Variants in STXBP4 observed in about 807,000 individuals in gnomAD.
The protein encoded by STXBP4 is syntaxin binding protein 4.
In STXBP4, 55 loss-of-function variants were observed where a neutral mutation model predicts 76.1. The ratio of observed to expected loss-of-function variants is 0.72; its 90% CI spans 0.58 to 0.91. STXBP4 has a LOEUF of 0.91. STXBP4 is among the 40% of genes least tolerant of loss of function. The probability of loss-of-function intolerance (pLI) is 0.00; values close to 1 mark genes in which losing one functional copy is unlikely to be tolerated. For synonymous variants in STXBP4, 201 were observed against 220.2 expected, an observed-to-expected ratio of 0.91 and a Z score of 0.77; for missense variants, 618 against 636.9, an observed-to-expected ratio of 0.97 and a Z score of 0.32.
At chr17:55,071,543 G>C (rs1298440664) in intron 12 of STXBP4, among the ~76,000 whole-genome samples, 1 of 152,108 alleles carries the variant, frequency 6.6e-6, no homozygotes, top group Non-Finnish European at 1.5e-5. Flanking sequence ...TCTTTTCAAT[G>C]AGACATTTAC....
intron 16 of STXBP4, among the ~76,000 whole-genome samples, chr17:55,135,994 C>T (rs982262021): frequency 3.3e-5 from 5 of 152,154 alleles, no homozygotes; most frequent in African/African-American, 1.2e-4. Flanking sequence ...ATCATGACTG[C>T]ACTATCAGCA....
chr17:55,003,965 A>C lies in STXBP4; in HGVS notation c.574+3082A>C, dbSNP rs539199969. Among the ~76,000 whole-genome samples, 3 of 152,098 alleles carry C rather than the reference A, an allele frequency of 2.0e-5. No homozygotes were observed. In the South Asian group the frequency reaches 6.2e-4, roughly 32 times the overall value. Reference sequence around the variant, plus strand: ...GACGGGCAGATCACTTGAGGTCAGGAGTTCGAGACCAGCCTGGCCAACATA... The same window carrying C: ...GACGGGCAGATCACTTGAGGTCAGGCGTTCGAGACCAGCCTGGCCAACATA... On this transcript the variant is annotated intron_variant, in intron 7 of 17. Transcript: ENST00000376352.
rs1319463194 is a variant in STXBP4 at position 55,132,785 on chromosome 17, T to C, written c.1490-8525T>C. The stretch of plus-strand genomic sequence containing the variant: ...TGGAGAAGAAGGGAGCTGGCTCTTT[T>C]ATGAGTGACTAGGGAAGGGATCACT... On this transcript the variant is annotated intron_variant, in intron 16 of 17. Coordinates refer to ENST00000376352, the MANE Select transcript of STXBP4 (RefSeq NM_178509.6). 7.9e-5 allele frequency among the ~76,000 whole-genome samples: 12 copies of C among 152,134 alleles called. 1 individual carries two copies. The highest frequency in any genetic ancestry group is 7.2e-4 in the Admixed American group (11 of 15,268).
At chr17:55,147,484 A>G (rs2145166717) in intron 17 of STXBP4, among the ~76,000 whole-genome samples, 1 of 152,160 alleles carries the variant, frequency 6.6e-6, no homozygotes, top group South Asian at 2.1e-4. Flanking sequence ...GGGGTTGAGG[A>G]CCCCTGAATT....
the STXBP4 span, among the ~76,000 whole-genome samples, chr17:55,191,402 A>G: frequency 3.1e-4 from 47 of 152,282 alleles, 2 homozygotes; most frequent in African/African-American, 1.1e-3. Context: ...CTTCCTGATG[A>G]AAGATAATCA....
intron 16 of STXBP4, among the ~76,000 whole-genome samples, chr17:55,121,355 G>T (rs2079841783): frequency 6.6e-6 from 1 of 152,108 alleles, no homozygotes; most frequent in African/African-American, 2.4e-5. Context: ...AAGTGAGGTT[G>T]GGGTGAATGG....
chr17:54,998,560 G>A (rs1375009050), intron 4 of STXBP4, among the ~76,000 whole-genome samples: 1 of 152,184 alleles, frequency 6.6e-6, no homozygotes, highest in Non-Finnish European at 1.5e-5. Context: ...GCAACACCAG[G>A]CAGCCAGTTA....
At chr17:55,204,774 A>G in the STXBP4 span, among the ~76,000 whole-genome samples, 16 of 151,640 alleles carry the variant, frequency 1.1e-4, no homozygotes, top group South Asian at 3.3e-3. Context: ...TTGCTCAAGT[A>G]CTGGCTGCAT....
chr17:55,200,416 G>A, the STXBP4 span, among the ~76,000 whole-genome samples: 1 of 152,228 alleles, frequency 6.6e-6, no homozygotes, highest in South Asian at 2.1e-4. Context: ...AACTTTCAAG[G>A]GGAATTAAAT....
At position 55,031,073 on chromosome 17, in the gene STXBP4, A is replaced by G. The variant is rs1056203600; in HGVS notation, c.667-95A>G. 4.6e-6 allele frequency: 4 copies of G among 878,966 alleles called. No homozygotes were observed. In the African/African-American group the frequency reaches 5.1e-5, roughly 11 times the overall value. 54.4% of individuals were successfully genotyped at this position (878,966 alleles called of 1,614,324 possible). A position where few individuals can be genotyped will look rare whatever the true frequency, so the allele number is the denominator to read the frequency against. On this transcript the variant is annotated intron_variant, in intron 8 of 17. Coordinates refer to ENST00000376352, the MANE Select transcript of STXBP4 (RefSeq NM_178509.6). ...TTAATCCTGGTCGACTGTTTCTGGT[A>G]TTGATTATTTTCCCTGGGTTGTAAA...
chr17:55,058,851 T>G (rs2078963840), intron 12 of STXBP4, among the ~76,000 whole-genome samples: 2 of 152,264 alleles, frequency 1.3e-5, no homozygotes, highest in South Asian at 4.1e-4. Flanking sequence ...ATGTTGGACA[T>G]TTACTTCTGG....
At chr17:54,970,003 A>C (rs2077368075) in intron 1 of STXBP4, among the ~76,000 whole-genome samples, 1 of 152,220 alleles carries the variant, frequency 6.6e-6, no homozygotes, top group Non-Finnish European at 1.5e-5. Context: ...TGAAGAGGTG[A>C]CATTTGAGTT....
rs147864825 is a variant in STXBP4 at position 54,999,407 on chromosome 17, A to G, written c.243A>G (p.Val81=). The G allele has an allele frequency of 3.0e-5, 49 of 1,613,192 alleles. No individual in the cohort carries two copies. The highest frequency in any genetic ancestry group is 4.0e-5 in the Non-Finnish European group (47 of 1,179,692). The change falls in exon 5 of 18, where the codon GTA becomes GTG. Residue 81 remains valine (V), a synonymous_variant. Transcript: ENST00000376352. The part of the protein sequence containing the change: ...VSVNKESMIG[V]SFEEAKSIIT... ...TCAACAAGGAATCTATGATTGGTGTATCATTTGAAGAAGCAAAAAGCATAA... is the reference window on the plus strand; with the variant it reads ...TCAACAAGGAATCTATGATTGGTGTGTCATTTGAAGAAGCAAAAAGCATAA...
At position 55,041,206 on chromosome 17, in the gene STXBP4, G is replaced by GGTATC. The variant is rs1328842395; in HGVS notation, c.856-2029_856-2025dup. On this transcript the variant is annotated intron_variant, in intron 10 of 17. Transcript: ENST00000376352. The stretch of plus-strand genomic sequence containing the variant: ...TCTCTTAATAAATTATTTTAGCTCT[G>GGTATC]GTATCTAAAATTTTATTTAAACTTT... 2.7e-4 allele frequency among the ~76,000 whole-genome samples: 41 copies of GGTATC among 149,278 alleles called. 1 individual carries two copies. Among genetic ancestry groups the GGTATC allele is most frequent in the Middle Eastern group, 7.0e-3 (2 of 286 alleles).
chr17:55,171,176 G>C lies in STXBP4; in HGVS notation c.*11265G>C, dbSNP rs985462821. The C allele has an allele frequency of 1.3e-5, 2 of 152,212 alleles. No homozygotes were observed. The highest frequency in any genetic ancestry group is 4.8e-5 in the African/African-American group (2 of 41,454). 9.4% of individuals were successfully genotyped at this position (152,212 alleles called of 1,614,324 possible). ...CTTTGGACTTAGAGCCATGTCTAAA[G>C]TGTCCTTCTTTTGGATATAGTGCCT... is the stretch of plus-strand genomic sequence containing the variant. On this transcript the variant is annotated 3_prime_UTR_variant, in exon 18 of 18. Transcript: ENST00000376352.
chr17:55,015,840 TAATG>T (rs2078198485), intron 8 of STXBP4, among the ~76,000 whole-genome samples: 1 of 152,194 alleles, frequency 6.6e-6, no homozygotes, highest in Non-Finnish European at 1.5e-5. Context: ...AGTTGTCTCT[TAATG>T]AAAAGAAAGT....
At chr17:55,009,251 T>A (rs2078061657) in intron 8 of STXBP4, among the ~76,000 whole-genome samples, 2 of 152,312 alleles carry the variant, frequency 1.3e-5, no homozygotes, top group South Asian at 4.1e-4. Context: ...TGGCTAACGC[T>A]TGGTCTGCAA....
intron 16 of STXBP4, among the ~76,000 whole-genome samples, chr17:55,114,246 C>T (rs2079756654): frequency 6.6e-6 from 1 of 152,032 alleles, no homozygotes; most frequent in Non-Finnish European, 1.5e-5. Flanking sequence ...GCCAACCTTA[C>T]TCCTGGAAAC....
intron 16 of STXBP4, among the ~76,000 whole-genome samples, chr17:55,128,400 AT>A (rs11298913): frequency 0.28 from 42,965 of 151,974 alleles, 6,371 homozygotes; most frequent in African/African-American, 0.35. Context: ...TGTACCAGAG[AT>A]TGCTTGGATG....
Sources: gnomAD v4.1 joint callset for allele counts (sites outside exome capture counted in the v4.1 genomes callset) on GRCh38, gnomAD v4.1.1 for gene constraint, MANE v1.5 for transcripts, NCBI Gene and HGNC (gene_info 2026-07-23, HGNC 2026-07-21) for gene names.